Variants in SLFN11 observed in about 807,000 individuals in gnomAD.
The protein encoded by SLFN11 is schlafen family member 11.
A neutral mutation model predicts 53.4 loss-of-function variants in SLFN11; 43 were observed. That is an observed-to-expected ratio of 0.80 (90% CI 0.63 to 1.04). The LOEUF (loss-of-function observed/expected upper bound fraction) is 1.04, where lower values mean the gene tolerates loss of function less well. Ranked by LOEUF, SLFN11 falls within the 50% of genes least tolerant of loss-of-function variation. The probability of loss-of-function intolerance (pLI) is 0.00; values close to 1 mark genes in which losing one functional copy is unlikely to be tolerated. For synonymous variants in SLFN11, 389 were observed against 394.7 expected, an observed-to-expected ratio of 0.99 and a Z score of 0.17; for missense variants, 990 against 1,079.1, an observed-to-expected ratio of 0.92 and a Z score of 1.16.
At position 35,352,012 on chromosome 17, in the gene SLFN11, C is replaced by A. The variant is rs1906738907; in HGVS notation, c.*344G>T. The A allele has an allele frequency of 8.2e-6, 2 of 243,910 alleles. No individual in the cohort carries two copies. The highest frequency in any genetic ancestry group is 4.5e-5 in the African/African-American group (2 of 44,434). The allele number at this position is 243,910 out of a possible 1,614,324, so 15.1% of individuals were successfully genotyped here. On this transcript the variant is annotated 3_prime_UTR_variant, in exon 7 of 7. Transcript: ENST00000685675. ...GCATGAAGTCACTTAAAAAAAGAAG[C>A]CCAGCCTTGGAAGAAAGAAAGGCCA...
intron 5 of SLFN11, among the ~76,000 whole-genome samples, chr17:35,355,395 G>C (rs1404565290): frequency 6.6e-6 from 1 of 151,890 alleles, no homozygotes; most frequent in South Asian, 2.1e-4. Flanking sequence ...GCAAGATACT[G>C]TCTCAAAAAA....
chr17:35,353,692 G>A lies in SLFN11; in HGVS notation c.1566C>T (p.Ser522=). ...ACACTGCAGCCTCCAAGGCCTCTGC[G>A]CTGCTCTCAGGACTCAGGCAGAGGA... is the stretch of plus-strand genomic sequence containing the variant. ...AKVLCLSPES[S]AEALEAAVSP... The change falls in exon 6 of 7, where the codon AGC becomes AGT. Residue 522 remains serine (S), a synonymous_variant. Coordinates refer to ENST00000685675, the MANE Select transcript of SLFN11 (RefSeq NM_001376007.1). The A allele has an allele frequency of 8.9e-6, 12 of 1,350,086 alleles. No homozygotes were observed. The highest frequency in any genetic ancestry group is 8.7e-5 in the South Asian group (6 of 69,248). 83.6% of individuals were successfully genotyped at this position (1,350,086 alleles called of 1,614,324 possible).
chr17:35,355,848 G>C (rs1246083741), intron 5 of SLFN11, among the ~76,000 whole-genome samples: 1 of 152,090 alleles, frequency 6.6e-6, no homozygotes, highest in Non-Finnish European at 1.5e-5. Context: ...TTGATCACTT[G>C]ATAAACTCCT....
intron 1 of SLFN11, among the ~76,000 whole-genome samples, chr17:35,369,072 G>A (rs767037397): frequency 1.3e-5 from 2 of 152,078 alleles, no homozygotes; most frequent in African/African-American, 4.8e-5. Flanking sequence ...CAGCTGTGGT[G>A]CATACAGGCA....
intron 1 of SLFN11, among the ~76,000 whole-genome samples, chr17:35,368,280 C>T (rs1909216887): frequency 6.6e-6 from 1 of 151,968 alleles, no homozygotes; most frequent in South Asian, 2.1e-4. Context: ...ACCTACCATC[C>T]CCCTTCTCCA....
At chr17:35,373,264 A>C (rs1018289963) in intron 1 of SLFN11, among the ~76,000 whole-genome samples, 1 of 17,948 alleles carries the variant, frequency 5.6e-5, no homozygotes, top group African/African-American at 2.4e-4. Flanking sequence ...TTCTACCCCC[A>C]TTACCCACCC....
Position 35,351,348 on chromosome 17 carries a change from G to T in SLFN11, c.*1008C>A, listed in dbSNP as rs1276671079. 6.6e-6 allele frequency: 1 copy of T among 152,170 alleles called. No individual in the cohort carries two copies. Among genetic ancestry groups the T allele is most frequent in the Non-Finnish European group, 1.5e-5 (1 of 68,080 alleles). The allele number at this position is 152,170 out of a possible 1,614,324, so 9.4% of individuals were successfully genotyped here. ...TAGCAGCCCCAGCTCCACAGTGCAG[G>T]TTGGGGCTTCAACACGGGAATTTGG... On this transcript the variant is annotated 3_prime_UTR_variant, in exon 7 of 7. Coordinates refer to ENST00000685675, the MANE Select transcript of SLFN11 (RefSeq NM_001376007.1).
chr17:35,357,529 A>T (rs1420564975), intron 5 of SLFN11, among the ~76,000 whole-genome samples: 1 of 151,176 alleles, frequency 6.6e-6, no homozygotes, highest in East Asian at 1.9e-4. Context: ...TTAAACAGTT[A>T]ATTGCCACCA....
rs762260970 is a variant in SLFN11, at chr17:35,362,993, C to T, written c.815G>A (p.Arg272Lys). 5 of 1,613,982 alleles carry T rather than the reference C, an allele frequency of 3.1e-6. No individual in the cohort carries two copies. In the South Asian group the frequency reaches 5.5e-5, roughly 18 times the overall value. ...TTTGTATATGGCTTGTTCTATTTTCCTTCTCAAAGAGTCAGGGTCAACATT... is the reference window on the plus strand; with the variant it reads ...TTTGTATATGGCTTGTTCTATTTTCTTTCTCAAAGAGTCAGGGTCAACATT... The part of the protein sequence containing the change: ...KENVDPDSLR[R>K]KIEQAIYKLP... Residue 272 changes from arginine to lysine, a missense_variant, in exon 4 of 7, where the codon AGG becomes AAG. Physicochemically the swap from Arg to Lys is conservative, Grantham distance 26 (BLOSUM62 2). This residue lies in a region of SLFN11 where 521 missense variants were observed against 516.2 expected (regional missense o/e 1.01). Coordinates refer to ENST00000685675, the MANE Select transcript of SLFN11 (RefSeq NM_001376007.1).
chr17:35,353,331 C>T lies in SLFN11; in HGVS notation c.1922+5G>A, dbSNP rs368440885. The T allele has an allele frequency of 2.6e-5, 42 of 1,613,480 alleles. No homozygotes were observed. In the African/African-American group the frequency reaches 5.3e-4, roughly 21 times the overall value. On this transcript the variant is annotated splice_donor_5th_base_variant and intron_variant, in intron 6 of 6. Transcript: ENST00000685675. ...TACTTAGAGACGTAAGATCCAACTGCTTACCTGATAAAGTTCCTCAGAGGC... is the reference window on the plus strand; with the variant it reads ...TACTTAGAGACGTAAGATCCAACTGTTTACCTGATAAAGTTCCTCAGAGGC...
chr17:35,370,928 TA>T (rs1361292047), intron 1 of SLFN11, among the ~76,000 whole-genome samples: 1 of 152,072 alleles, frequency 6.6e-6, no homozygotes, highest in Non-Finnish European at 1.5e-5. Context: ...CAATCTCTAT[TA>T]AAATATCAAT....
chr17:35,352,982 C>A lies in SLFN11; in HGVS notation c.2080G>T (p.Gly694Cys), dbSNP rs770781799. 10 of 1,614,028 alleles carry A rather than the reference C, an allele frequency of 6.2e-6. No homozygotes were observed. The Admixed American group carries it at 6.7e-5, about 11-fold the overall frequency. ...AKSITRRAKG[G>C]PGILWIFLDY... ...AGAAAGATCCAGAGAATTCCTGGGC[C>A]ACCCTTTGCTCTCCGAGTGATGCTT... Residue 694 changes from glycine (G) to cysteine (C), a missense_variant, in exon 7 of 7, where the codon GGC becomes TGC. By Grantham distance (159) the Gly-to-Cys change is radical (BLOSUM62 -3). This residue lies in a region of SLFN11 where 313 missense variants were observed against 320.9 expected (regional missense o/e 0.98). Coordinates refer to ENST00000685675, the MANE Select transcript of SLFN11 (RefSeq NM_001376007.1).
At position 35,363,003 on chromosome 17, in the gene SLFN11, A is replaced by G; in HGVS notation, c.805T>C (p.Ser269Pro). 1 of 1,614,036 alleles carries G rather than the reference A, an allele frequency of 6.2e-7. No individual in the cohort carries two copies. The highest frequency in any genetic ancestry group is 1.3e-5 in the African/African-American group (1 of 75,038). ...GCAKENVDPDSLRRKIEQAIY... is the reference protein window; with the variant it reads ...GCAKENVDPDPLRRKIEQAIY... ...GCTTGTTCTATTTTCCTTCTCAAAGAGTCAGGGTCAACATTTTCTTTTGCA... is the reference window on the plus strand; with the variant it reads ...GCTTGTTCTATTTTCCTTCTCAAAGGGTCAGGGTCAACATTTTCTTTTGCA... Residue 269 changes from serine (S) to proline (P), a missense_variant, in exon 4 of 7, where the codon TCT (serine) becomes CCT (proline). This residue lies in a region of SLFN11 where 521 missense variants were observed against 516.2 expected (regional missense o/e 1.01). Coordinates refer to ENST00000685675, the MANE Select transcript of SLFN11 (RefSeq NM_001376007.1).
rs2141969827 is a variant in SLFN11, at chr17:35,363,634, T to A, written c.174A>T (p.Gly58=). 6.2e-7 allele frequency: 1 copy of A among 1,613,924 alleles called. No homozygotes were observed. The highest frequency in any genetic ancestry group is 2.2e-5 in the East Asian group (1 of 44,890). ...CCTTCTTGGCCATTCGAATCACTCC[T>A]CCTCCTGAGTTTAATAAAGCACATG... ...RAACALLNSG[G]GVIRMAKKVE... The change falls in exon 4 of 7, where the codon GGA becomes GGT. Residue 58 remains glycine, a synonymous_variant. Coordinates refer to ENST00000685675, the MANE Select transcript of SLFN11 (RefSeq NM_001376007.1).
rs1316485654 is a variant in SLFN11, at chr17:35,351,973, A to T, written c.*383T>A. 2.1e-5 allele frequency: 4 copies of T among 194,910 alleles called. No individual in the cohort carries two copies. The highest frequency in any genetic ancestry group is 4.7e-5 in the African/African-American group (2 of 42,574). The allele number at this position is 194,910 out of a possible 1,614,324, so 12.1% of individuals were successfully genotyped here. ...AGAAAACGATTCTGGACAAATTTTT[A>T]AAAGCAACAAACTGCATGAAGTCAC... On this transcript the variant is annotated 3_prime_UTR_variant, in exon 7 of 7. Coordinates refer to ENST00000685675, the MANE Select transcript of SLFN11 (RefSeq NM_001376007.1).
rs1201280141 is a variant in SLFN11, at chr17:35,354,073, G to A, written c.1199-14C>T. 2 of 1,560,450 alleles carry A rather than the reference G, an allele frequency of 1.3e-6. No individual in the cohort carries two copies. Among genetic ancestry groups the A allele is most frequent in the Admixed American group, 1.9e-5 (1 of 51,868 alleles). ...ATCCTGGTGGGACTGTATGTGAAAA[G>A]AATGATAAATTAGAGGAAGAGAAAT... is the stretch of plus-strand genomic sequence containing the variant. On this transcript the variant is annotated splice_polypyrimidine_tract_variant and intron_variant, in intron 5 of 6. Coordinates refer to ENST00000685675, the MANE Select transcript of SLFN11 (RefSeq NM_001376007.1).
Position 35,363,497 on chromosome 17 carries a change from TA to T in SLFN11, c.310del (p.Tyr104ThrfsTer49), listed in dbSNP as rs777466925. 6.2e-7 allele frequency: 1 copy of T among 1,613,988 alleles called. No individual in the cohort carries two copies. Among genetic ancestry groups the T allele is most frequent in the Non-Finnish European group, 8.5e-7 (1 of 1,179,966 alleles). ...FETKQQGRCF[Y>X]IFVKSWSSGP... ...ACTGCTCCAAGATTTAACAAAAATG[TA>T]AAAACACCTTCCTTGTTGCTTGGTC... On this transcript the variant is annotated frameshift_variant, in exon 4 of 7. Coordinates refer to ENST00000685675, the MANE Select transcript of SLFN11 (RefSeq NM_001376007.1). LOFTEE classifies it high-confidence loss of function.
rs1906618247 is a variant in SLFN11, at chr17:35,351,115, C to T, written c.*1241G>A. Reference sequence around the variant, plus strand: ...GAGGCTGGAAGTCCAAGACAGAGTCCAAGACTCTCGCCAGCAGCGAGAGTT... The same window carrying T: ...GAGGCTGGAAGTCCAAGACAGAGTCTAAGACTCTCGCCAGCAGCGAGAGTT... On this transcript the variant is annotated 3_prime_UTR_variant, in exon 7 of 7. Transcript: ENST00000685675. The T allele has an allele frequency of 6.6e-6, 1 of 152,178 alleles. No homozygotes were observed. Among genetic ancestry groups the T allele is most frequent in the African/African-American group, 2.4e-5 (1 of 41,404 alleles). The allele number at this position is 152,178 out of a possible 1,614,324, so 9.4% of individuals were successfully genotyped here. A position where few individuals can be genotyped will look rare whatever the true frequency, so the allele number is the denominator to read the frequency against.
intron 4 of SLFN11, among the ~76,000 whole-genome samples, chr17:35,360,730 C>T (rs1240991511): frequency 6.6e-6 from 1 of 152,092 alleles, no homozygotes; most frequent in African/African-American, 2.4e-5. Flanking sequence ...CCAACTGCCA[C>T]CACCTCTCCT....
Sources: gnomAD v4.1 joint callset for allele counts (sites outside exome capture counted in the v4.1 genomes callset) on GRCh38, gnomAD v4.1.1 for gene constraint, gnomAD v4.1.1 regional missense constraint, MANE v1.5 for transcripts, NCBI Gene and HGNC (gene_info 2026-07-23, HGNC 2026-07-21) for gene names.